PRPF40B: variants seen among roughly 807,000 people sequenced by gnomAD.
The protein encoded by PRPF40B is pre-mRNA-processing factor 40 homolog B.
Under a neutral mutation model 124.5 loss-of-function variants are expected in PRPF40B, and 56 were observed. That is an observed-to-expected ratio of 0.45 (90% CI 0.36 to 0.56). PRPF40B has a LOEUF of 0.56. PRPF40B is among the 20% of genes least tolerant of loss of function. PRPF40B has a pLI of 0.00. For missense variants in PRPF40B, 1,053 were observed against 1,169.5 expected (o/e 0.90, Z 1.45); for synonymous variants, 443 against 426.4 (o/e 1.04, Z -0.48).
rs772307302 is a variant in PRPF40B at position 49,643,414 on chromosome 12, A to G, written c.2380+17A>G. ...TTGGAGCAGGTAAGCAGTTGCTGTG[A>G]GCGTAGAAGCTGGAGAACTGTTGTC... is the stretch of plus-strand genomic sequence containing the variant. On this transcript the variant is annotated intron_variant, in intron 23 of 25. Coordinates refer to ENST00000548825, the MANE Select transcript of PRPF40B (RefSeq NM_001031698.3). 22 of 1,535,656 alleles carry G rather than the reference A, an allele frequency of 1.4e-5. No individual in the cohort carries two copies. The highest frequency in any genetic ancestry group is 1.2e-5 in the Non-Finnish European group (14 of 1,144,128).
At chr12:49,634,181 G>A in intron 10 of PRPF40B, 89 bp downstream of exon 10, 1 of 1,574,740 alleles carries the variant, frequency 6.4e-7, no homozygotes, top group Non-Finnish European at 8.6e-7. Context: ...CTCTCTCTCA[G>A]GAGGGGTTTG....
intron 1 of PRPF40B, among the ~76,000 whole-genome samples, chr12:49,627,276 A>G (rs555514500): frequency 1.1e-4 from 17 of 152,228 alleles, no homozygotes; most frequent in Non-Finnish European, 2.4e-4. Context: ...TTTAATTGGC[A>G]GCATTTGTTT....
chr12:49,627,719 G>A (rs773064397), intron 1 of PRPF40B, among the ~76,000 whole-genome samples: 2 of 152,162 alleles, frequency 1.3e-5, no homozygotes, highest in South Asian at 4.1e-4. Context: ...AGTCTGAGGT[G>A]CACTTTGAAG....
At chr12:49,636,968 A>G (rs1482187660) in intron 16 of PRPF40B, 119 bp downstream of exon 16, 9 of 1,450,188 alleles carry the variant, frequency 6.2e-6, no homozygotes, top group African/African-American at 2.8e-5. Context: ...AGCCCTGTCC[A>G]AGCTCTATGA....
intron 24 of PRPF40B, 29 bp from the exon 25 acceptor site, chr12:49,643,832 C>G (rs1371911185): frequency 5.6e-6 from 9 of 1,614,066 alleles, no homozygotes; most frequent in Middle Eastern, 1.7e-4. Flanking sequence ...TCCACAGGAA[C>G]TGAGGAGGTG....
intron 12 of PRPF40B, chr12:49,634,834 GAATT>G: frequency 3.1e-6 from 2 of 638,976 alleles, no homozygotes; most frequent in East Asian, 5.5e-5. Flanking sequence ...AAACGGAATT[GAATT>G]AATTGGGGAA....
chr12:49,635,083 C>G lies in PRPF40B; in HGVS notation c.1002-16C>G. 6.2e-7 allele frequency: 1 copy of G among 1,606,412 alleles called. No homozygotes were observed. Among genetic ancestry groups the G allele is most frequent in the Non-Finnish European group, 8.5e-7 (1 of 1,176,956 alleles). ...TGACTTCTCTATCCCCACCCCACTC[C>G]TACCCTCTATCCCAGTGCCTTGCCT... is the stretch of plus-strand genomic sequence containing the variant. On this transcript the variant is annotated splice_polypyrimidine_tract_variant and intron_variant, in intron 12 of 25. Coordinates refer to ENST00000548825, the MANE Select transcript of PRPF40B (RefSeq NM_001031698.3). This position sits in a 1 kb window ranked among gnomAD's most constrained non-coding sequence, Gnocchi z 4.1.
At position 49,630,587 on chromosome 12, in the gene PRPF40B, C is replaced by A; in HGVS notation, c.46C>A (p.Pro16Thr). The A allele has an allele frequency of 7.1e-7, 1 of 1,417,054 alleles. No individual in the cohort carries two copies. Among genetic ancestry groups the A allele is most frequent in the South Asian group, 1.2e-5 (1 of 85,222 alleles). 87.8% of individuals were successfully genotyped at this position (1,417,054 alleles called of 1,614,324 possible). ...TCCCCGGCCCCCAGCAGCGCCTGCC[C>A]CCTTCCCACCGGGGCCCCCCATGAT... ...SGPRPPAAPA[P>T]FPPGPPMMPP... The change falls in exon 2 of 26, where the codon CCC (proline) becomes ACC (threonine). Residue 16 changes from proline to threonine, a missense_variant. Physicochemically the swap from Pro to Thr is conservative, Grantham distance 38. Transcript: ENST00000548825.
chr12:49,643,490 T>C, intron 23 of PRPF40B, 93 bp downstream of exon 23: 1 of 1,474,540 alleles, frequency 6.8e-7, no homozygotes, highest in Non-Finnish European at 9.1e-7. Flanking sequence ...GAGGGTAGAC[T>C]GGATTGGGAG....
chr12:49,631,405 C>A lies in PRPF40B; in HGVS notation c.89C>A (p.Pro30His). Residue 30 changes from proline (P) to histidine (H), a missense_variant, in exon 3 of 26, where the codon CCC becomes CAC. Physicochemically the swap from Pro to His is moderately conservative, Grantham distance 77 (BLOSUM62 -2). Around this residue, in one of 2 missense-constraint regions of PRPF40B, gnomAD observed 158 missense variants for 117.3 expected, o/e 1.35. Coordinates refer to ENST00000548825, the MANE Select transcript of PRPF40B (RefSeq NM_001031698.3). This position sits in a 1 kb window ranked among gnomAD's most constrained non-coding sequence, Gnocchi z 4.3. ...TCTTCCTTTACTCATTTCCAGATGC[C>A]CCCTCCAGGGATCCCCCCACCCTTT... Reference protein sequence around the residue: ...GPPMMPPPFMPPPGIPPPFPP... With the variant: ...GPPMMPPPFMHPPGIPPPFPP... 6.7e-7 allele frequency: 1 copy of A among 1,494,974 alleles called. No individual in the cohort carries two copies. The highest frequency in any genetic ancestry group is 1.4e-5 in the South Asian group (1 of 69,428). 92.6% of individuals were successfully genotyped at this position (1,494,974 alleles called of 1,614,324 possible).
chr12:49,642,121 A>G lies in PRPF40B; in HGVS notation c.1884+97A>G. On this transcript the variant is annotated intron_variant, in intron 19 of 25. Coordinates refer to ENST00000548825, the MANE Select transcript of PRPF40B (RefSeq NM_001031698.3). The surrounding 1 kb of genome is among the most constrained non-coding windows in gnomAD (Gnocchi z 5.8). ...GTCCCACTGACTATATTCCCAATTC[A>G]GGGGATGGTGGTAGAAGCCCAGACC... 6.2e-7 allele frequency: 1 copy of G among 1,603,324 alleles called. No individual in the cohort carries two copies. The highest frequency in any genetic ancestry group is 8.5e-7 in the Non-Finnish European group (1 of 1,172,444).
At position 49,634,622 on chromosome 12, in the gene PRPF40B, G is replaced by C; in HGVS notation, c.1001+20G>C. Reference sequence around the variant, plus strand: ...TTACAGGTAGGCCTGGGCAGAGGGAGCCAGGCCCTGTTCATGAGAGCAGCT... The same window carrying C: ...TTACAGGTAGGCCTGGGCAGAGGGACCCAGGCCCTGTTCATGAGAGCAGCT... On this transcript the variant is annotated intron_variant, in intron 12 of 25. Coordinates refer to ENST00000548825, the MANE Select transcript of PRPF40B (RefSeq NM_001031698.3). The C allele has an allele frequency of 6.2e-7, 1 of 1,613,922 alleles. No homozygotes were observed. The highest frequency in any genetic ancestry group is 8.5e-7 in the Non-Finnish European group (1 of 1,179,838).
chr12:49,631,526 G>T lies in PRPF40B; in HGVS notation c.210G>T (p.Ala70=). The T allele has an allele frequency of 6.5e-7, 1 of 1,548,252 alleles. No individual in the cohort carries two copies. The highest frequency in any genetic ancestry group is 8.7e-7 in the Non-Finnish European group (1 of 1,154,836). ...ILPPMLPPMG[A]PPPLTQIPGM... is the part of the protein sequence containing the mutation. ...CCCCAATGCTTCCACCAATGGGGGC[G>T]CCACCACCACTCACACAGGTAATTG... is the stretch of plus-strand genomic sequence containing the variant. Residue 70 remains alanine (A), a synonymous_variant, in exon 3 of 26, where the codon GCG becomes GCT. Transcript: ENST00000548825. This position sits in a 1 kb window ranked among gnomAD's most constrained non-coding sequence, Gnocchi z 4.3.
At chr12:49,643,580 TCCTCAGAGCATGAGGTTCCTG>T in intron 23 of PRPF40B, 90 bp from the exon 24 acceptor site, 1 of 1,389,420 alleles carries the variant, frequency 7.2e-7, no homozygotes, top group Middle Eastern at 1.9e-4. Flanking sequence ...GACTTAGACT[TCCTCAGAGCATGAGGTTCCTG>T]CCTGTGAAGA....
intron 23 of PRPF40B, 88 bp downstream of exon 23, chr12:49,643,485 T>C (rs1592626120): frequency 6.8e-7 from 1 of 1,476,952 alleles, no homozygotes; most frequent in African/African-American, 1.4e-5. Context: ...CCTTTGAGGG[T>C]AGACTGGATT....
chr12:49,633,485 A>G lies in PRPF40B; in HGVS notation c.518A>G (p.Tyr173Cys), dbSNP rs781289819. The G allele has an allele frequency of 1.2e-6, 2 of 1,613,906 alleles. No individual in the cohort carries two copies. Among genetic ancestry groups the G allele is most frequent in the South Asian group, 1.1e-5 (1 of 91,078 alleles). Reference protein sequence around the residue: ...EYKSDTGKPYYYNNQSKESRW... With the variant: ...EYKSDTGKPYCYNNQSKESRW... ...AAGTCGGACACAGGCAAACCTTATTACTATAACAACCAGAGTAAAGAGTCC... is the reference window on the plus strand; with the variant it reads ...AAGTCGGACACAGGCAAACCTTATTGCTATAACAACCAGAGTAAAGAGTCC... Residue 173 changes from tyrosine to cysteine, a missense_variant, in exon 8 of 26, where the codon TAC (tyrosine) becomes TGC (cysteine). Coordinates refer to ENST00000548825, the MANE Select transcript of PRPF40B (RefSeq NM_001031698.3).
intron 23 of PRPF40B, 22 bp downstream of exon 23, chr12:49,643,419 A>G (rs1342929618): frequency 2.0e-6 from 3 of 1,533,784 alleles, no homozygotes; most frequent in East Asian, 2.3e-5. Flanking sequence ...CTGTGAGCGT[A>G]GAAGCTGGAG....
rs757167936 is a variant in PRPF40B at position 49,642,419 on chromosome 12, G to A, written c.2022+47G>A. The A allele has an allele frequency of 3.1e-6, 5 of 1,605,276 alleles. No homozygotes were observed. Among genetic ancestry groups the A allele is most frequent in the Non-Finnish European group, 4.3e-6 (5 of 1,173,818 alleles). ...CAAGCACCCCTCAAGCCTGAGGGCA[G>A]CGGTGCTTCACCACTGAGGGCCCAC... On this transcript the variant is annotated intron_variant, in intron 20 of 25. Coordinates refer to ENST00000548825, the MANE Select transcript of PRPF40B (RefSeq NM_001031698.3). This position sits in a 1 kb window ranked among gnomAD's most constrained non-coding sequence, Gnocchi z 5.8.
rs1941731003 is a variant in PRPF40B at position 49,635,803 on chromosome 12, C to G, written c.1276-40C>G. 6.2e-7 allele frequency: 1 copy of G among 1,608,706 alleles called. No individual in the cohort carries two copies. On this transcript the variant is annotated intron_variant, in intron 14 of 25. Coordinates refer to ENST00000548825, the MANE Select transcript of PRPF40B (RefSeq NM_001031698.3). This position sits in a 1 kb window ranked among gnomAD's most constrained non-coding sequence, Gnocchi z 4.1. ...TCTGCCCAGGCCTACTTGGGTAGCT[C>G]TGGCCTGCCCTGCCTCACCCTGATC... is the stretch of plus-strand genomic sequence containing the variant.
Sources: allele counts gnomAD v4.1 joint callset (sites outside exome capture counted in the v4.1 genomes callset), GRCh38; gene constraint gnomAD v4.1.1; regional missense constraint gnomAD v4.1.1; non-coding constraint Gnocchi (gnomAD v3.1); transcripts MANE v1.5; gene names NCBI Gene and HGNC (gene_info 2026-07-23, HGNC 2026-07-21).